Variants in ARHGAP15 observed in about 807,000 individuals in gnomAD.
ARHGAP15 encodes rho GTPase-activating protein 15.
Under a neutral mutation model 63.7 loss-of-function variants are expected in ARHGAP15, and 51 were observed. The ratio of observed to expected loss-of-function variants is 0.80; its 90% CI spans 0.64 to 1.01. The LOEUF (loss-of-function observed/expected upper bound fraction) is 1.01. Among genes scored for constraint, ARHGAP15 ranks in the 50% least tolerant of loss-of-function variants. The pLI is 0.00. For missense variants in ARHGAP15, 560 were observed against 564.6 expected, an observed-to-expected ratio of 0.99 and a Z score of 0.08; for synonymous variants, 191 against 193.8, an observed-to-expected ratio of 0.99 and a Z score of 0.12.
At chr2:143,304,027 A>G (rs1683047799) in intron 6 of ARHGAP15, among the ~76,000 whole-genome samples, 1 of 152,182 alleles carries the variant, frequency 6.6e-6, no homozygotes, top group Admixed American at 6.5e-5. Context: ...TAGTTCAACC[A>G]TTGTGCAAGA....
intron 13 of ARHGAP15, among the ~76,000 whole-genome samples, chr2:143,747,101 G>A (rs1367729370): frequency 5.3e-5 from 8 of 152,056 alleles, no homozygotes; most frequent in Non-Finnish European, 7.4e-5. Flanking sequence ...GAAAGGGGAG[G>A]AAGAGCATTA....
At position 143,337,309 on chromosome 2, in the gene ARHGAP15, T is replaced by C. The variant is rs369075021; in HGVS notation, c.474+86709T>C. Among the ~76,000 whole-genome samples the C allele has an allele frequency of 1.1e-4, 17 of 152,252 alleles. No individual in the cohort carries two copies. The South Asian group carries it at 3.5e-3, about 32-fold the overall frequency. ...GGGAGGAAGGGGCCAGATTGCAGTTTTGATGGCTGAGTTAAAGATTTCATA... is the reference window on the plus strand; with the variant it reads ...GGGAGGAAGGGGCCAGATTGCAGTTCTGATGGCTGAGTTAAAGATTTCATA... On this transcript the variant is annotated intron_variant, in intron 6 of 13. Coordinates refer to ENST00000295095, the MANE Select transcript of ARHGAP15 (RefSeq NM_018460.4).
chr2:143,612,694 C>T (rs1017709306), intron 11 of ARHGAP15, among the ~76,000 whole-genome samples: 2 of 152,176 alleles, frequency 1.3e-5, no homozygotes, highest in Admixed American at 1.3e-4. Flanking sequence ...CCCAGTGAGG[C>T]CCGATTTGGA....
chr2:143,426,692 A>G lies in ARHGAP15; in HGVS notation c.475-8909A>G, dbSNP rs540806671. On this transcript the variant is annotated intron_variant, in intron 6 of 13. Coordinates refer to ENST00000295095, the MANE Select transcript of ARHGAP15 (RefSeq NM_018460.4). Reference sequence around the variant, plus strand: ...TCATCCAGCTTCTGGAAATCAGTAAAGAGACCAACTTTGGGTAGCGAGTCC... The same window carrying G: ...TCATCCAGCTTCTGGAAATCAGTAAGGAGACCAACTTTGGGTAGCGAGTCC... Among the ~76,000 whole-genome samples, 12 of 152,306 alleles carry G rather than the reference A, an allele frequency of 7.9e-5. No homozygotes were observed. The South Asian group carries it at 2.5e-3, about 32-fold the overall frequency.
At chr2:143,388,195 C>A (rs1261240556) in intron 6 of ARHGAP15, among the ~76,000 whole-genome samples, 3 of 152,118 alleles carry the variant, frequency 2.0e-5, no homozygotes, top group Non-Finnish European at 2.9e-5. Context: ...ACAAATACAT[C>A]ATTTAATTAA....
intron 6 of ARHGAP15, among the ~76,000 whole-genome samples, chr2:143,401,423 C>A (rs1332357588): frequency 6.6e-6 from 1 of 151,956 alleles, no homozygotes; most frequent in Non-Finnish European, 1.5e-5. Context: ...GAAAGGACAT[C>A]ATTCCATGTG....
chr2:143,330,146 C>T (rs1374778487), intron 6 of ARHGAP15, among the ~76,000 whole-genome samples: 3 of 51,760 alleles, frequency 5.8e-5, no homozygotes, highest in East Asian at 6.6e-4. Flanking sequence ...AAACAAAAAA[C>T]TAAACTAATG....
chr2:143,445,968 GTTATCAAAGTGT>G (rs986897348), intron 8 of ARHGAP15, among the ~76,000 whole-genome samples: 11 of 151,860 alleles, frequency 7.2e-5, no homozygotes, highest in Non-Finnish European at 1.5e-4. Flanking sequence ...TAACACAAAA[GTTATCAAAGTGT>G]TAGCCCTCAG....
chr2:143,487,216 G>A, intron 8 of ARHGAP15, 157 bp from the exon 9 acceptor site: 1 of 767,976 alleles, frequency 1.3e-6, no homozygotes, highest in South Asian at 2.2e-5. Flanking sequence ...CTTTCATGTG[G>A]GCAAATTTTA....
intron 11 of ARHGAP15, among the ~76,000 whole-genome samples, chr2:143,581,122 G>T (rs984631681): frequency 6.6e-6 from 1 of 152,020 alleles, no homozygotes; most frequent in African/African-American, 2.4e-5. Flanking sequence ...CTTCACACAG[G>T]TATGCTTGAA....
intron 2 of ARHGAP15, among the ~76,000 whole-genome samples, chr2:143,194,569 G>A (rs993263234): frequency 9.9e-5 from 15 of 152,058 alleles, no homozygotes; most frequent in African/African-American, 3.4e-4. Flanking sequence ...ATTCTACAGA[G>A]AAAAACCAAG....
intron 13 of ARHGAP15, among the ~76,000 whole-genome samples, chr2:143,735,922 T>A (rs1685727755): frequency 6.6e-6 from 1 of 152,226 alleles, no homozygotes; most frequent in Non-Finnish European, 1.5e-5. Flanking sequence ...TGCCTATCCC[T>A]CATTCTCATT....
chr2:143,310,103 A>T (rs1169347934), intron 6 of ARHGAP15, among the ~76,000 whole-genome samples: 1 of 152,090 alleles, frequency 6.6e-6, no homozygotes, highest in African/African-American at 2.4e-5. Flanking sequence ...CCAAAATCAC[A>T]GCTAATGTAC....
Position 143,193,097 on chromosome 2 carries a change from G to T in ARHGAP15, c.166-9037G>T, listed in dbSNP as rs527518792. On this transcript the variant is annotated intron_variant, in intron 2 of 13. Coordinates refer to ENST00000295095, the MANE Select transcript of ARHGAP15 (RefSeq NM_018460.4). ...CTGTACAAGGCCACATGTGTCCACAGTTATAATCGAAGGTGGAGAAACACA... is the reference window on the plus strand; with the variant it reads ...CTGTACAAGGCCACATGTGTCCACATTTATAATCGAAGGTGGAGAAACACA... Among the ~76,000 whole-genome samples the T allele has an allele frequency of 2.5e-4, 38 of 152,316 alleles. 1 individual carries two copies. The highest frequency in any genetic ancestry group is 7.7e-4 in the East Asian group (4 of 5,184).
At chr2:143,220,083 G>A (rs1692928991) in intron 4 of ARHGAP15, among the ~76,000 whole-genome samples, 1 of 152,058 alleles carries the variant, frequency 6.6e-6, no homozygotes, top group South Asian at 2.1e-4. Context: ...TATGTTGATA[G>A]GCTATAATAT....
At chr2:143,637,597 G>A (rs1034533962) in intron 12 of ARHGAP15, among the ~76,000 whole-genome samples, 1 of 152,030 alleles carries the variant, frequency 6.6e-6, no homozygotes, top group Non-Finnish European at 1.5e-5. Flanking sequence ...AACCTGAGCA[G>A]TTTGTCTTCC....
intron 8 of ARHGAP15, among the ~76,000 whole-genome samples, chr2:143,448,869 C>T (rs1396554197): frequency 6.6e-6 from 1 of 151,836 alleles, no homozygotes; most frequent in African/African-American, 2.4e-5. Context: ...AAAACATTAC[C>T]ATATGACATA....
At chr2:143,191,351 A>C (rs932598959) in intron 2 of ARHGAP15, among the ~76,000 whole-genome samples, 2 of 152,246 alleles carry the variant, frequency 1.3e-5, no homozygotes, top group African/African-American at 2.4e-5. Context: ...GTATTTTAAA[A>C]AGAATGATGT....
intron 10 of ARHGAP15, among the ~76,000 whole-genome samples, chr2:143,532,620 G>C (rs1694569413): frequency 1.3e-5 from 2 of 152,112 alleles, no homozygotes; most frequent in South Asian, 4.1e-4. Context: ...TAGTTTTATA[G>C]ATATACTGTA....
Sources: allele counts gnomAD v4.1 joint callset (sites outside exome capture counted in the v4.1 genomes callset), GRCh38; gene constraint gnomAD v4.1.1; transcripts MANE v1.5; gene names NCBI Gene and HGNC (gene_info 2026-07-23, HGNC 2026-07-21).